COL5A2: variants seen among roughly 807,000 people sequenced by gnomAD.
COL5A2 encodes collagen type V alpha 2 chain.
COL5A2 carries 23 observed loss-of-function variants against 208.2 expected under a neutral mutation model. The ratio of observed to expected loss-of-function variants is 0.11; its 90% CI spans 0.08 to 0.16. COL5A2 has a LOEUF of 0.16. Ranked by LOEUF, COL5A2 falls within the 10% of genes least tolerant of loss-of-function variation. The pLI, the probability that COL5A2 is intolerant of heterozygous loss-of-function variation, is 1.00. For missense variants in COL5A2, 1,590 were observed against 1,956.4 expected, an observed-to-expected ratio of 0.81 and a Z score of 3.53; for synonymous variants, 625 against 628.5, an observed-to-expected ratio of 0.99 and a Z score of 0.08.
chr2:189,037,331 A>G lies in COL5A2; in HGVS notation c.3926-528T>C, dbSNP rs77974764. On this transcript the variant is annotated intron_variant, in intron 51 of 53. Transcript: ENST00000374866. ...CTCTTAAAATAGGAAATACCAAGGC[A>G]GTGCCTGGTGGTAGGCATACAGTCA... is the stretch of plus-strand genomic sequence containing the variant. 2.2e-3 allele frequency among the ~76,000 whole-genome samples: 333 copies of G among 152,338 alleles called. 3 individuals are homozygous for G. The highest frequency in any genetic ancestry group is 3.9e-3 in the Non-Finnish European group (263 of 68,022).
rs191253048 is a variant in COL5A2, at chr2:189,133,827, G to T, written c.98-23378C>A. Among the ~76,000 whole-genome samples the T allele has an allele frequency of 3.7e-3, 560 of 152,190 alleles. 22 individuals are homozygous for T. In the South Asian group the frequency reaches 0.084, roughly 23 times the overall value. On this transcript the variant is annotated intron_variant, in intron 1 of 53. Transcript: ENST00000374866. ...GAAGTTATGTTTCACACAAGAAAAAGATTTTTAAAGCACCATATCCTGCTC... is the reference window on the plus strand; with the variant it reads ...GAAGTTATGTTTCACACAAGAAAAATATTTTTAAAGCACCATATCCTGCTC...
rs543238215 is a variant in COL5A2 at position 189,085,484 on chromosome 2, C to A, written c.744+235G>T. ...ATCATAATCTTTGAATGTAAATATT[C>A]TTTGAATTTTTAAATTTAAATTTAA... On this transcript the variant is annotated intron_variant, in intron 10 of 53. Coordinates refer to ENST00000374866, the MANE Select transcript of COL5A2 (RefSeq NM_000393.5). Among the ~76,000 whole-genome samples, 139 of 152,130 alleles carry A rather than the reference C, an allele frequency of 9.1e-4. 1 individual carries two copies. In the South Asian group the frequency reaches 0.025, roughly 27 times the overall value.
the COL5A2 span, among the ~76,000 whole-genome samples, chr2:189,241,428 T>G: frequency 6.6e-6 from 1 of 152,216 alleles, no homozygotes; most frequent in Non-Finnish European, 1.5e-5. Context: ...GATTCCTATT[T>G]GATTTACTTT....
chr2:189,094,156 T>C (rs576417277), intron 6 of COL5A2, among the ~76,000 whole-genome samples: 1 of 152,324 alleles, frequency 6.6e-6, no homozygotes, highest in Admixed American at 6.5e-5. Context: ...TTGTTTTCAT[T>C]GACTTCAGAT....
At chr2:189,417,769 A>G in the COL5A2 span, among the ~76,000 whole-genome samples, 1 of 151,518 alleles carries the variant, frequency 6.6e-6, no homozygotes, top group Non-Finnish European at 1.5e-5. Flanking sequence ...AAGTGACAGG[A>G]TTTCATTCTT....
At chr2:189,120,845 T>C (rs545916070) in intron 1 of COL5A2, among the ~76,000 whole-genome samples, 1 of 152,234 alleles carries the variant, frequency 6.6e-6, no homozygotes, top group Non-Finnish European at 1.5e-5. Flanking sequence ...GCATTAAGAA[T>C]GTGTTTAAAT....
the COL5A2 span, among the ~76,000 whole-genome samples, chr2:189,352,249 C>G: frequency 6.6e-6 from 1 of 152,114 alleles, no homozygotes; most frequent in African/African-American, 2.4e-5. Flanking sequence ...GTCAACAGTG[C>G]TGCAATGAAC....
chr2:189,249,375 G>T, the COL5A2 span, among the ~76,000 whole-genome samples: 2 of 152,134 alleles, frequency 1.3e-5, no homozygotes, highest in African/African-American at 4.8e-5. Flanking sequence ...CAAAACTCCA[G>T]CAGCTGACTA....
chr2:189,352,638 C>G, the COL5A2 span, among the ~76,000 whole-genome samples: 3 of 151,948 alleles, frequency 2.0e-5, no homozygotes, highest in African/African-American at 7.2e-5. Context: ...CACTTTTTGA[C>G]GGGGTTGCTT....
upstream of COL5A2, among the ~76,000 whole-genome samples, chr2:189,184,779 G>A (rs1356092322): frequency 6.6e-6 from 1 of 152,212 alleles, no homozygotes; most frequent in East Asian, 1.9e-4. Context: ...CATACTCACA[G>A]GTTCTAGGGA....
At chr2:189,371,626 G>A in the COL5A2 span, among the ~76,000 whole-genome samples, 1 of 152,198 alleles carries the variant, frequency 6.6e-6, no homozygotes, top group Admixed American at 6.5e-5. Flanking sequence ...ATCTGTGGAA[G>A]TTTAAGCTTA....
intron 1 of COL5A2, among the ~76,000 whole-genome samples, chr2:189,197,188 GA>G (rs1689013284): frequency 6.6e-6 from 1 of 152,096 alleles, no homozygotes; most frequent in Non-Finnish European, 1.5e-5. Flanking sequence ...CATAGGAACA[GA>G]AAACCAAACA....
In COL5A2 at chr2:189,147,950, C is replaced by G. The variant is rs549899324; in HGVS notation, c.97+31558G>C. On this transcript the variant is annotated intron_variant, in intron 1 of 53. Transcript: ENST00000374866. ...ATTTCTTGAGGAGTCTATCACAGAT[C>G]CTTAGAACCATTTCTGGATTATCCT... Among the ~76,000 whole-genome samples the G allele has an allele frequency of 7.9e-5, 12 of 152,128 alleles. No individual in the cohort carries two copies. The South Asian group carries it at 2.3e-3, about 29-fold the overall frequency.
chr2:189,306,656 C>G, the COL5A2 span, among the ~76,000 whole-genome samples: 1 of 152,202 alleles, frequency 6.6e-6, no homozygotes, highest in Non-Finnish European at 1.5e-5. Context: ...TATTACCCAA[C>G]AAGTCACCAT....
At chr2:189,304,558 T>C in the COL5A2 span, among the ~76,000 whole-genome samples, 4 of 151,644 alleles carry the variant, frequency 2.6e-5, no homozygotes, top group African/African-American at 4.8e-5. Flanking sequence ...AAGCCAGAGG[T>C]GGGGGAAGGT....
chr2:189,350,126 G>A, the COL5A2 span, among the ~76,000 whole-genome samples: 1 of 152,062 alleles, frequency 6.6e-6, no homozygotes, highest in African/African-American at 2.4e-5. Context: ...TAACTTTGAG[G>A]AGTAGACATC....
chr2:189,160,553 A>T (rs1167399250), intron 1 of COL5A2, among the ~76,000 whole-genome samples: 2 of 152,202 alleles, frequency 1.3e-5, no homozygotes, highest in African/African-American at 4.8e-5. Flanking sequence ...CTAGGGTCCT[A>T]TAGCTCTTCT....
chr2:189,067,614 T>G (rs1411716915), intron 21 of COL5A2, among the ~76,000 whole-genome samples: 1 of 152,170 alleles, frequency 6.6e-6, no homozygotes, highest in Non-Finnish European at 1.5e-5. Flanking sequence ...GAATCACTCT[T>G]TAACAATAAC....
At position 189,052,929 on chromosome 2, in the gene COL5A2, T is replaced by C; in HGVS notation, c.2643A>G (p.Ala881=). The C allele has an allele frequency of 6.2e-7, 1 of 1,614,162 alleles. No individual in the cohort carries two copies. The highest frequency in any genetic ancestry group is 8.5e-7 in the Non-Finnish European group (1 of 1,180,002). ...DAGSPGPQGL[A]GSPGPHGPNG... is the part of the protein sequence containing the mutation. ...AACTTACATGAGGGCCAGGGGATCC[T>C]GCTAAACCTTGTGGTCCAGGAGAAC... Residue 881 remains alanine (A), a synonymous_variant, in exon 39 of 54, where the codon GCA becomes GCG. Transcript: ENST00000374866.
Sources: gnomAD v4.1 joint callset for allele counts (sites outside exome capture counted in the v4.1 genomes callset) on GRCh38, gnomAD v4.1.1 for gene constraint, MANE v1.5 for transcripts, NCBI Gene and HGNC (gene_info 2026-07-23, HGNC 2026-07-21) for gene names.